The following SOX5 variants were observed in gnomAD, a reference collection of about 807,000 sequenced individuals.
SOX5 encodes the protein transcription factor SOX-5.
In SOX5, 9 loss-of-function variants were observed where a neutral mutation model predicts 92.0. That is an observed-to-expected ratio of 0.10 (90% CI 0.06 to 0.17). The LOEUF is 0.17. Among genes scored for constraint, SOX5 ranks in the 10% least tolerant of loss-of-function variants. The probability of loss-of-function intolerance (pLI) is 1.00; values close to 1 mark genes in which losing one functional copy is unlikely to be tolerated. For missense variants in SOX5, 642 were observed against 944.5 expected, an observed-to-expected ratio of 0.68 and a Z score of 4.20; for synonymous variants, 344 against 336.3, an observed-to-expected ratio of 1.02 and a Z score of -0.25.
chr12:24,088,665 C>A (rs866823660), intron 4 of SOX5, among the ~76,000 whole-genome samples: 2 of 151,440 alleles, frequency 1.3e-5, no homozygotes, highest in Non-Finnish European at 2.9e-5. Flanking sequence ...CTACCATTTC[C>A]GAGTATTTGT....
intron 1 of SOX5, among the ~76,000 whole-genome samples, chr12:24,427,309 T>C (rs1218124872): frequency 4.6e-5 from 7 of 152,190 alleles, no homozygotes; most frequent in Non-Finnish European, 7.3e-5. Flanking sequence ...TCACAGACAG[T>C]AAGTGTCCCA....
At chr12:23,628,437 C>T (rs548348829) in intron 8 of SOX5, among the ~76,000 whole-genome samples, 1 of 152,168 alleles carries the variant, frequency 6.6e-6, no homozygotes, top group Non-Finnish European at 1.5e-5. Context: ...CTTTCACTAA[C>T]ACTATTACTT....
intron 2 of SOX5, among the ~76,000 whole-genome samples, chr12:24,326,781 T>TACACACACACACAC (rs1306084119): frequency 3.3e-4 from 14 of 42,406 alleles, no homozygotes; most frequent in African/African-American, 5.4e-4. Flanking sequence ...CACCCATTCA[T>TACACACACACACAC]ACACACACAT....
intron 4 of SOX5, among the ~76,000 whole-genome samples, chr12:23,982,155 T>C (rs959102661): frequency 1.3e-5 from 2 of 152,182 alleles, no homozygotes; most frequent in African/African-American, 4.8e-5. Flanking sequence ...AGGAAATGTA[T>C]TTGGAAGAAA....
At chr12:24,402,973 A>G (rs1962103007) in intron 1 of SOX5, among the ~76,000 whole-genome samples, 1 of 152,030 alleles carries the variant, frequency 6.6e-6, no homozygotes, top group Non-Finnish European at 1.5e-5. Context: ...TTCTAAACAT[A>G]CTCTTCCCCT....
chr12:23,836,459 T>A (rs2096415702), intron 3 of SOX5, among the ~76,000 whole-genome samples: 1 of 151,978 alleles, frequency 6.6e-6, no homozygotes, highest in Non-Finnish European at 1.5e-5. Flanking sequence ...AGTTGCAAAA[T>A]ATTTTAATTA....
intron 1 of SOX5, among the ~76,000 whole-genome samples, chr12:24,558,081 G>T (rs1009217160): frequency 3.9e-5 from 6 of 152,074 alleles, no homozygotes; most frequent in African/African-American, 1.2e-4. Flanking sequence ...ACCTGTAATT[G>T]CAACAAGTTT....
intron 3 of SOX5, among the ~76,000 whole-genome samples, chr12:23,772,361 T>G (rs1392806140): frequency 1.3e-5 from 2 of 152,172 alleles, no homozygotes; most frequent in African/African-American, 4.8e-5. Context: ...AAACATGATA[T>G]CCAATGGATT....
intron 1 of SOX5, among the ~76,000 whole-genome samples, chr12:24,475,780 G>A (rs930065231): frequency 2.0e-5 from 3 of 152,174 alleles, no homozygotes; most frequent in South Asian, 2.1e-4. Flanking sequence ...TCAGGAGTTC[G>A]AGTCCAGCCT....
intron 3 of SOX5, among the ~76,000 whole-genome samples, chr12:23,756,226 C>T (rs1254174846): frequency 6.7e-6 from 1 of 148,154 alleles, no homozygotes. Flanking sequence ...TTTGCCAGTA[C>T]TGCGAACATA....
chr12:23,906,928 C>T (rs1396052390), intron 1 of SOX5, among the ~76,000 whole-genome samples: 3 of 146,512 alleles, frequency 2.0e-5, no homozygotes, highest in African/African-American at 7.5e-5. Flanking sequence ...TTATAGACAG[C>T]CGAATAGACA....
chr12:23,722,740 T>C (rs1405471624), intron 6 of SOX5, among the ~76,000 whole-genome samples: 1 of 152,196 alleles, frequency 6.6e-6, no homozygotes, highest in Non-Finnish European at 1.5e-5. Context: ...AGATGTTATT[T>C]TGAACATGCC....
intron 9 of SOX5, among the ~76,000 whole-genome samples, chr12:23,584,931 A>T (rs1950517655): frequency 6.6e-6 from 1 of 152,038 alleles, no homozygotes; most frequent in Non-Finnish European, 1.5e-5. Context: ...AGTTTAAGAC[A>T]ATTTTCATTT....
intron 6 of SOX5, among the ~76,000 whole-genome samples, chr12:23,714,376 C>T (rs1203358196): frequency 1.3e-5 from 2 of 151,994 alleles, no homozygotes; most frequent in African/African-American, 2.4e-5. Flanking sequence ...AATTCTAGCA[C>T]TTTGGGAGGC....
intron 4 of SOX5, among the ~76,000 whole-genome samples, chr12:24,036,836 G>T (rs746188036): frequency 6.6e-6 from 1 of 152,128 alleles, no homozygotes; most frequent in Non-Finnish European, 1.5e-5. Flanking sequence ...TCTAATGTTG[G>T]TAAACATATA....
intron 2 of SOX5, among the ~76,000 whole-genome samples, chr12:24,342,545 C>A (rs1199035199): frequency 6.6e-6 from 1 of 152,146 alleles, no homozygotes. Context: ...ATCCTATGAT[C>A]TCCCCTTTTC....
chr12:23,621,967 G>C (rs983756439), intron 8 of SOX5, among the ~76,000 whole-genome samples: 4 of 152,080 alleles, frequency 2.6e-5, no homozygotes, highest in Non-Finnish European at 4.4e-5. Flanking sequence ...TTACATCAAG[G>C]AAAGATAGAT....
intron 4 of SOX5, among the ~76,000 whole-genome samples, chr12:24,113,052 C>T (rs910656644): frequency 6.6e-6 from 1 of 151,732 alleles, no homozygotes; most frequent in African/African-American, 2.4e-5. Flanking sequence ...CTTTACTATT[C>T]TGAAAGTTCA....
At chr12:24,538,879 T>C (rs917325453) in intron 1 of SOX5, among the ~76,000 whole-genome samples, 25 of 152,312 alleles carry the variant, frequency 1.6e-4, no homozygotes, top group Middle Eastern at 3.4e-3. Flanking sequence ...CACGCTGGGA[T>C]TTTGTTTTCT....
Sources: allele counts gnomAD v4.1 joint callset (sites outside exome capture counted in the v4.1 genomes callset), GRCh38; gene constraint gnomAD v4.1.1; transcripts MANE v1.5; gene names NCBI Gene and HGNC (gene_info 2026-07-23, HGNC 2026-07-21).